ARHGEF10: variants seen among roughly 807,000 people sequenced by gnomAD.
ARHGEF10 encodes Rho guanine nucleotide exchange factor (GEF) 10.
In ARHGEF10, 140 loss-of-function variants were observed where a neutral mutation model predicts 147.4. The observed-to-expected ratio is 0.95, with a 90% CI of 0.83 to 1.09. ARHGEF10 has a LOEUF of 1.09. Among genes scored for constraint, ARHGEF10 ranks in the 50% least tolerant of loss-of-function variants. The pLI is 0.00. For missense variants in ARHGEF10, 2,222 were observed against 1,752.7 expected (o/e 1.27, Z -4.78); for synonymous variants, 902 against 695.8 (o/e 1.30, Z -4.67).
chr8:1,846,526 GT>G (rs745415218), intron 2 of ARHGEF10, among the ~76,000 whole-genome samples: 1 of 152,012 alleles, frequency 6.6e-6, no homozygotes, highest in Non-Finnish European at 1.5e-5. Context: ...CACTTTTCTG[GT>G]TTTTTTCCCC....
chr8:1,946,850 C>T (rs1814635315), intron 27 of ARHGEF10, among the ~76,000 whole-genome samples: 1 of 152,186 alleles, frequency 6.6e-6, no homozygotes, highest in Non-Finnish European at 1.5e-5. Context: ...CCGCCGCACT[C>T]CCACTGGAGA....
chr8:1,856,736 T>C (rs2129069051), intron 2 of ARHGEF10, among the ~76,000 whole-genome samples: 1 of 152,246 alleles, frequency 6.6e-6, no homozygotes, highest in Non-Finnish European at 1.5e-5. Context: ...TTGTCTGTGT[T>C]GGAGGGGCTT....
chr8:1,946,280 G>A (rs1814584076), intron 27 of ARHGEF10, among the ~76,000 whole-genome samples: 1 of 152,246 alleles, frequency 6.6e-6, no homozygotes, highest in Non-Finnish European at 1.5e-5. Flanking sequence ...TTGCCTGCTG[G>A]TGGGTATTGG....
At chr8:1,897,244 C>G (rs534071994) in intron 14 of ARHGEF10, among the ~76,000 whole-genome samples, 1 of 152,256 alleles carries the variant, frequency 6.6e-6, no homozygotes, top group African/African-American at 2.4e-5. Context: ...GTCATTGAAG[C>G]TGGAATTTTT....
chr8:1,932,789 A>G (rs1164237305), intron 25 of ARHGEF10, among the ~76,000 whole-genome samples: 2 of 152,212 alleles, frequency 1.3e-5, no homozygotes, highest in Non-Finnish European at 2.9e-5. Context: ...TTTGTATTCA[A>G]AGGTTCAGTG....
intron 1 of ARHGEF10, chr8:1,825,999 C>T (rs560764316): frequency 3.7e-5 from 33 of 882,900 alleles, no homozygotes; most frequent in Middle Eastern, 4.3e-4. Flanking sequence ...GAGGTTTACA[C>T]GTCATGTATT....
intron 27 of ARHGEF10, among the ~76,000 whole-genome samples, chr8:1,947,284 G>C (rs1218658628): frequency 6.6e-6 from 1 of 152,206 alleles, no homozygotes; most frequent in Non-Finnish European, 1.5e-5. Flanking sequence ...CAGCACCCGA[G>C]CCTCCAAATC....
chr8:1,878,074 A>G (rs1009359380), intron 8 of ARHGEF10, among the ~76,000 whole-genome samples: 21 of 152,292 alleles, frequency 1.4e-4, no homozygotes, highest in African/African-American at 5.1e-4. Context: ...AGATCTTGGC[A>G]GTCAGCTCAC....
chr8:1,877,428 A>C (rs1011494541), intron 8 of ARHGEF10, among the ~76,000 whole-genome samples: 1 of 152,278 alleles, frequency 6.6e-6, no homozygotes. Flanking sequence ...GGGTTTCCCT[A>C]TGTTGGCCAG....
chr8:1,881,663 C>A (rs148968761), intron 9 of ARHGEF10, among the ~76,000 whole-genome samples: 2 of 152,228 alleles, frequency 1.3e-5, no homozygotes, highest in African/African-American at 4.8e-5. Context: ...TCATGGTGAA[C>A]GCTTCAGGAA....
At chr8:1,836,423 T>A (rs1803584366) in intron 1 of ARHGEF10, among the ~76,000 whole-genome samples, 1 of 151,972 alleles carries the variant, frequency 6.6e-6, no homozygotes, top group African/African-American at 2.4e-5. Context: ...GCCCCACCAT[T>A]GAAAACGATG....
In ARHGEF10 at chr8:1,831,905, C is replaced by T. The variant is rs1448188606; in HGVS notation, c.-48+7792C>T. Among the ~76,000 whole-genome samples the T allele has an allele frequency of 3.3e-5, 5 of 152,146 alleles. 1 individual carries two copies. The highest frequency in any genetic ancestry group is 7.4e-5 in the Non-Finnish European group (5 of 68,022). The stretch of plus-strand genomic sequence containing the variant: ...GAGTGCCCTGGAGGGTGGCACATGG[C>T]CGGGTGGAGTTGGATGGGCTCCCTT... On this transcript the variant is annotated intron_variant, in intron 1 of 28. Coordinates refer to ENST00000349830, the MANE Select transcript of ARHGEF10 (RefSeq NM_014629.4).
chr8:1,836,488 G>A (rs1563154020), intron 1 of ARHGEF10, among the ~76,000 whole-genome samples: 1 of 152,292 alleles, frequency 6.6e-6, no homozygotes, highest in East Asian at 1.9e-4. Flanking sequence ...GTGGGCTGAC[G>A]CCGGTGGAAG....
At chr8:1,941,024 T>C (rs952032931) in intron 26 of ARHGEF10, among the ~76,000 whole-genome samples, 5 of 152,238 alleles carry the variant, frequency 3.3e-5, no homozygotes, top group Admixed American at 3.3e-4. Flanking sequence ...TCATACTTTA[T>C]GGTTAAAGAA....
In ARHGEF10 at chr8:1,864,446, T is replaced by C. The variant is rs1267130910; in HGVS notation, c.545+10T>C. 1.2e-6 allele frequency: 2 copies of C among 1,612,936 alleles called. No homozygotes were observed. Among genetic ancestry groups the C allele is most frequent in the East Asian group, 4.5e-5 (2 of 44,870 alleles). ...AGGAGCCTCCAACCAGGTATCTGCA[T>C]CCGTCTTCCCACACCTGCTGAATTC... On this transcript the variant is annotated intron_variant, in intron 5 of 28. Coordinates refer to ENST00000349830, the MANE Select transcript of ARHGEF10 (RefSeq NM_014629.4).
chr8:1,848,072 G>A (rs947820823), intron 2 of ARHGEF10, among the ~76,000 whole-genome samples: 7 of 152,188 alleles, frequency 4.6e-5, no homozygotes, highest in African/African-American at 1.4e-4. Context: ...TCAGGGTGCT[G>A]GGACCAGAGC....
intron 4 of ARHGEF10, among the ~76,000 whole-genome samples, chr8:1,863,661 G>A (rs1032935547): frequency 6.6e-6 from 1 of 152,100 alleles, no homozygotes; most frequent in African/African-American, 2.4e-5. Flanking sequence ...AGCCCTCCGA[G>A]GTGGGAGGGT....
intron 4 of ARHGEF10, among the ~76,000 whole-genome samples, chr8:1,861,982 G>A: frequency 6.6e-6 from 1 of 151,860 alleles, no homozygotes; most frequent in East Asian, 1.9e-4. Context: ...GCTTATTTTT[G>A]TTCTGTCAAC....
chr8:1,919,271 G>A (rs141082769), intron 18 of ARHGEF10, among the ~76,000 whole-genome samples: 35 of 148,800 alleles, frequency 2.4e-4, no homozygotes, highest in African/African-American at 3.3e-4. Flanking sequence ...TGGGTGATGA[G>A]CTGTTCTGTG....
Sources: allele counts gnomAD v4.1 joint callset (sites outside exome capture counted in the v4.1 genomes callset), GRCh38; gene constraint gnomAD v4.1.1; transcripts MANE v1.5; gene names NCBI Gene and HGNC (gene_info 2026-07-23, HGNC 2026-07-21).